VWA3B: variants seen among roughly 807,000 people sequenced by gnomAD.
The protein encoded by VWA3B is von Willebrand factor A domain-containing protein 3B.
VWA3B carries 138 observed loss-of-function variants against 158.3 expected under a neutral mutation model. The observed-to-expected ratio is 0.87, with a 90% CI of 0.76 to 1.00. VWA3B has a LOEUF of 1.00. VWA3B is among the 50% of genes least tolerant of loss of function. The pLI is 0.00. For missense variants in VWA3B, 1,555 were observed against 1,565.1 expected, an observed-to-expected ratio of 0.99 and a Z score of 0.11; for synonymous variants, 596 against 587.3, an observed-to-expected ratio of 1.01 and a Z score of -0.21.
At chr2:98,283,343 T>C (rs2105926032) in intron 22 of VWA3B, among the ~76,000 whole-genome samples, 1 of 152,344 alleles carries the variant, frequency 6.6e-6, no homozygotes, top group East Asian at 1.9e-4. Flanking sequence ...TGTCTCGTGG[T>C]CTCAGTGACC....
intron 22 of VWA3B, among the ~76,000 whole-genome samples, chr2:98,287,353 T>A (rs540660441): frequency 6.6e-6 from 1 of 152,288 alleles, no homozygotes; most frequent in South Asian, 2.1e-4. Flanking sequence ...CTTTTCAGAA[T>A]CCTTAAATAG....
intron 6 of VWA3B, among the ~76,000 whole-genome samples, chr2:98,129,368 GAGAC>G (rs1675673774): frequency 6.6e-6 from 1 of 151,970 alleles, no homozygotes; most frequent in Non-Finnish European, 1.5e-5. Flanking sequence ...GAGAGACAGA[GAGAC>G]AGAGAGTGAG....
intron 8 of VWA3B, among the ~76,000 whole-genome samples, chr2:98,169,766 T>C (rs1026395184): frequency 6.0e-5 from 9 of 150,584 alleles, no homozygotes; most frequent in African/African-American, 2.2e-4. Context: ...TGTGTGTCGG[T>C]GTGCCTGTTC....
the VWA3B span, among the ~76,000 whole-genome samples, chr2:98,320,384 C>A: frequency 6.6e-6 from 1 of 152,060 alleles, no homozygotes; most frequent in Non-Finnish European, 1.5e-5. Flanking sequence ...TAAATTGGTG[C>A]CAGGAGTGGG....
the VWA3B span, among the ~76,000 whole-genome samples, chr2:98,320,036 C>T: frequency 6.6e-6 from 1 of 152,066 alleles, no homozygotes; most frequent in Admixed American, 6.6e-5. Context: ...GTGTCCCCAC[C>T]CAAATCTCAT....
At chr2:98,165,502 C>A (rs575439502) in intron 8 of VWA3B, among the ~76,000 whole-genome samples, 1 of 152,204 alleles carries the variant, frequency 6.6e-6, no homozygotes, top group South Asian at 2.1e-4. Flanking sequence ...GGAACCACTG[C>A]CAGGCTGCAG....
At chr2:98,161,864 G>A (rs779441551) in intron 7 of VWA3B, among the ~76,000 whole-genome samples, 43 of 152,108 alleles carry the variant, frequency 2.8e-4, no homozygotes, top group Non-Finnish European at 5.4e-4. Context: ...GGGCCACCAC[G>A]CTCAGCTAAT....
intron 7 of VWA3B, among the ~76,000 whole-genome samples, chr2:98,149,600 A>G (rs1677457550): frequency 6.6e-6 from 1 of 152,244 alleles, no homozygotes; most frequent in African/African-American, 2.4e-5. Flanking sequence ...GAAAGCAACC[A>G]GTCAGAAGTA....
At chr2:98,097,863 G>A (rs1013056371) in intron 2 of VWA3B, among the ~76,000 whole-genome samples, 1 of 152,074 alleles carries the variant, frequency 6.6e-6, no homozygotes, top group Non-Finnish European at 1.5e-5. Flanking sequence ...GATTAATGAT[G>A]TTGAGCATTT....
rs1462609457 is a variant in VWA3B, at chr2:98,270,787, G to T, written c.2949G>T (p.Leu983=). 3 of 1,614,000 alleles carry T rather than the reference G, an allele frequency of 1.9e-6. No individual in the cohort carries two copies. The African/African-American group carries it at 4.0e-5, about 22-fold the overall frequency. Residue 983 remains leucine, a synonymous_variant, in exon 22 of 28, where the codon CTG becomes CTT. Transcript: ENST00000477737. ...WPISLKELSM[L]ESEILAGKMY... ...TTTCACTGAAAGAGCTGTCGATGCT[G>T]GAAAGTGAAATCCTAGCTGGGAAAA...
At chr2:98,118,537 A>G (rs1674703391) in intron 3 of VWA3B, among the ~76,000 whole-genome samples, 2 of 152,170 alleles carry the variant, frequency 1.3e-5, no homozygotes, top group Non-Finnish European at 2.9e-5. Flanking sequence ...CACCGGGCCA[A>G]TCAGATAGTA....
intron 12 of VWA3B, among the ~76,000 whole-genome samples, chr2:98,195,430 T>C (rs182692938): frequency 6.6e-6 from 1 of 152,286 alleles, no homozygotes; most frequent in East Asian, 1.9e-4. Context: ...TTTTTAAAAC[T>C]GGGAGGCGAA....
At chr2:98,255,910 G>A (rs1225332600) in intron 20 of VWA3B, among the ~76,000 whole-genome samples, 1 of 152,116 alleles carries the variant, frequency 6.6e-6, no homozygotes, top group Non-Finnish European at 1.5e-5. Context: ...TGGGAACTGA[G>A]CCCTCCTTTA....
rs1678110514 is a variant in VWA3B at position 98,156,685 on chromosome 2, T to A, written c.989-6166T>A. On this transcript the variant is annotated intron_variant, in intron 7 of 27. Transcript: ENST00000477737. Reference sequence around the variant, plus strand: ...AACTCAGTTTTTTTTTTTTTTTTTTTGTAAATTTGCTCTAAAGGAAACTCA... The same window carrying A: ...AACTCAGTTTTTTTTTTTTTTTTTTAGTAAATTTGCTCTAAAGGAAACTCA... Among the ~76,000 whole-genome samples the A allele has an allele frequency of 7.3e-5, 10 of 137,576 alleles. No homozygotes were observed. The South Asian group carries it at 2.2e-3, about 31-fold the overall frequency. The allele number at this position is 137,576 out of a possible 152,430, so 90.3% of individuals were successfully genotyped here. A position where few individuals can be genotyped will look rare whatever the true frequency, so the allele number is the denominator to read the frequency against.
intron 2 of VWA3B, among the ~76,000 whole-genome samples, chr2:98,109,606 G>A (rs547388875): frequency 3.3e-5 from 5 of 152,132 alleles, no homozygotes; most frequent in East Asian, 1.9e-4. Context: ...TACTGTGTTC[G>A]TCTTTCCTGA....
chr2:98,194,315 T>A (rs1574045371), intron 11 of VWA3B, 46 bp from the exon 12 acceptor site: 1 of 1,594,756 alleles, frequency 6.3e-7, no homozygotes. Context: ...AAACCCTTTC[T>A]AACATCTGAG....
intron 16 of VWA3B, among the ~76,000 whole-genome samples, chr2:98,231,758 TTTC>T (rs954657076): frequency 6.6e-6 from 1 of 152,208 alleles, no homozygotes; most frequent in Non-Finnish European, 1.5e-5. Context: ...ATATAGGCTT[TTTC>T]TTCTTTAGTC....
At chr2:98,163,751 C>G (rs887999512) in intron 8 of VWA3B, among the ~76,000 whole-genome samples, 1 of 152,102 alleles carries the variant, frequency 6.6e-6, no homozygotes, top group Non-Finnish European at 1.5e-5. Context: ...GCTAAACCAA[C>G]TTGACAGGAT....
chr2:98,212,561 G>A (rs1223950775), intron 13 of VWA3B, among the ~76,000 whole-genome samples: 2 of 152,190 alleles, frequency 1.3e-5, no homozygotes, highest in Admixed American at 6.5e-5. Context: ...GAATGAAAGA[G>A]GAGTACTCCA....
Sources: allele counts gnomAD v4.1 joint callset (sites outside exome capture counted in the v4.1 genomes callset), GRCh38; gene constraint gnomAD v4.1.1; transcripts MANE v1.5; gene names NCBI Gene and HGNC (gene_info 2026-07-23, HGNC 2026-07-21).